Variants in AFG2A observed in about 807,000 individuals in gnomAD.
The protein encoded by AFG2A is AAA ATPase AFG2A, also known as ATPase family gene 2 protein homolog A.
At chr4:123,130,170 G>A in the AFG2A span, among the ~76,000 whole-genome samples, 115 of 111,492 alleles carry the variant, frequency 1.0e-3, no homozygotes, top group East Asian at 0.042. Context: ...ACAGTTCCCA[G>A]CTAATATATA....
the AFG2A span, among the ~76,000 whole-genome samples, chr4:123,184,528 A>ATTTTTT: frequency 2.0e-4 from 16 of 80,876 alleles, no homozygotes; most frequent in African/African-American, 7.2e-4. Flanking sequence ...CAGCATGATC[A>ATTTTTT]TTTCTTTTTT....
chr4:122,975,516 A>G, the AFG2A span, among the ~76,000 whole-genome samples: 1 of 152,170 alleles, frequency 6.6e-6, no homozygotes, highest in Non-Finnish European at 1.5e-5. Context: ...TGGCTGCAGA[A>G]GAGTCAAAGG....
the AFG2A span, among the ~76,000 whole-genome samples, chr4:123,292,988 A>G: frequency 1.3e-5 from 2 of 152,220 alleles, no homozygotes; most frequent in South Asian, 4.2e-4. Flanking sequence ...GGAGAAAGGG[A>G]GGGAGCCACC....
chr4:123,271,519 C>T, the AFG2A span, among the ~76,000 whole-genome samples: 1 of 152,142 alleles, frequency 6.6e-6, no homozygotes, highest in Non-Finnish European at 1.5e-5. Flanking sequence ...GTAGGGATTC[C>T]ATGTGGATAT....
chr4:123,022,807 A>T, the AFG2A span, among the ~76,000 whole-genome samples: 1 of 152,062 alleles, frequency 6.6e-6, no homozygotes, highest in African/African-American at 2.4e-5. Flanking sequence ...AATGATAGAC[A>T]GGATTAAGAA....
the AFG2A span, among the ~76,000 whole-genome samples, chr4:123,104,119 G>A: frequency 6.6e-6 from 1 of 152,088 alleles, no homozygotes; most frequent in African/African-American, 2.4e-5. Flanking sequence ...TATAAATTGA[G>A]TATTTGTGGT....
At chr4:123,068,820 A>G in the AFG2A span, among the ~76,000 whole-genome samples, 1 of 152,170 alleles carries the variant, frequency 6.6e-6, no homozygotes, top group Non-Finnish European at 1.5e-5. Flanking sequence ...ACTTAGTGCC[A>G]CGTGTGAACA....
At chr4:123,155,730 A>G in the AFG2A span, among the ~76,000 whole-genome samples, 1 of 152,188 alleles carries the variant, frequency 6.6e-6, no homozygotes, top group East Asian at 1.9e-4. Context: ...AGTAGATACC[A>G]TTTTATATAA....
At chr4:123,024,402 A>G in the AFG2A span, among the ~76,000 whole-genome samples, 2 of 152,180 alleles carry the variant, frequency 1.3e-5, no homozygotes, top group African/African-American at 2.4e-5. Context: ...GACTGGGCCA[A>G]TTAGAGATGT....
chr4:123,099,983 GA>G, the AFG2A span, among the ~76,000 whole-genome samples: 1 of 151,794 alleles, frequency 6.6e-6, no homozygotes, highest in Non-Finnish European at 1.5e-5. Flanking sequence ...TTGTCAACGT[GA>G]ATTGAAGTAT....
the AFG2A span, among the ~76,000 whole-genome samples, chr4:122,965,627 T>A: frequency 1.3e-5 from 2 of 152,212 alleles, no homozygotes; most frequent in African/African-American, 2.4e-5. Context: ...ATTTCAAAAT[T>A]GTGTTTCTTA....
At chr4:123,232,606 C>CA in the AFG2A span, among the ~76,000 whole-genome samples, 2 of 152,002 alleles carry the variant, frequency 1.3e-5, no homozygotes, top group Non-Finnish European at 2.9e-5. Context: ...AGAGCTTAAA[C>CA]AATTCTTTAG....
At chr4:123,307,442 T>C in the AFG2A span, among the ~76,000 whole-genome samples, 1 of 152,196 alleles carries the variant, frequency 6.6e-6, no homozygotes, top group African/African-American at 2.4e-5. Flanking sequence ...ATAAACTTTA[T>C]AGCTAGTAAT....
chr4:123,189,106 GCTGT>G, the AFG2A span, among the ~76,000 whole-genome samples: 17 of 152,278 alleles, frequency 1.1e-4, no homozygotes, highest in African/African-American at 2.6e-4. Context: ...TAGTGCCAGT[GCTGT>G]CTGTCTATCT....
chr4:123,177,463 G>C, the AFG2A span, among the ~76,000 whole-genome samples: 1 of 151,950 alleles, frequency 6.6e-6, no homozygotes, highest in African/African-American at 2.4e-5. Context: ...GGGAGACCTT[G>C]GCCTCCCAAA....
the AFG2A span, among the ~76,000 whole-genome samples, chr4:123,246,392 A>G: frequency 6.6e-6 from 1 of 152,128 alleles, no homozygotes; most frequent in Non-Finnish European, 1.5e-5. Flanking sequence ...TGCCAGAATC[A>G]TTTACTTTCT....
At chr4:122,973,770 G>A in the AFG2A span, among the ~76,000 whole-genome samples, 1 of 152,094 alleles carries the variant, frequency 6.6e-6, no homozygotes, top group Admixed American at 6.5e-5. Context: ...GGCTCACTGC[G>A]GTCTTGACTT....
chr4:122,934,582 A>G, the AFG2A span: 1 of 1,613,964 alleles, frequency 6.2e-7, no homozygotes, highest in Non-Finnish European at 8.5e-7. Context: ...TTCAACAACA[A>G]GAGTCAATTT....
chr4:122,935,722 G>A, the AFG2A span: 3 of 1,577,790 alleles, frequency 1.9e-6, no homozygotes, highest in Admixed American at 5.7e-5. Context: ...AGGAATTCCT[G>A]CCCCTAGAGG....
Sources: allele counts gnomAD v4.1 joint callset (sites outside exome capture counted in the v4.1 genomes callset), GRCh38; gene constraint gnomAD v4.1.1; transcripts MANE v1.5; gene names NCBI Gene and HGNC (gene_info 2026-07-23, HGNC 2026-07-21).